ATP6V1E2: variants seen among roughly 807,000 people sequenced by gnomAD.
ATP6V1E2 encodes ATPase H+ transporting V1 subunit E2.
For synonymous variants in ATP6V1E2, 121 were observed against 104.2 expected (o/e 1.16, Z -0.98); for missense variants, 308 against 273.3 (o/e 1.13, Z -0.90).
chr2:46,514,942 A>T (rs903762697), intron 4 of ATP6V1E2, among the ~76,000 whole-genome samples: 1 of 152,202 alleles, frequency 6.6e-6, no homozygotes, highest in Admixed American at 6.5e-5. Context: ...TGGATTTCTC[A>T]GTAGATATCT....
intron 4 of ATP6V1E2, among the ~76,000 whole-genome samples, chr2:46,514,558 A>G (rs1687626856): frequency 1.3e-5 from 2 of 152,200 alleles, no homozygotes; most frequent in South Asian, 4.1e-4. Context: ...TTCAACAGGA[A>G]AAGATCAGTG....
chr2:46,525,077 G>A (rs1209815779), intron 4 of ATP6V1E2, among the ~76,000 whole-genome samples: 1 of 152,204 alleles, frequency 6.6e-6, no homozygotes, highest in Non-Finnish European at 1.5e-5. Flanking sequence ...ATCGCGATTG[G>A]AAGGAAGAGA....
intron 4 of ATP6V1E2, among the ~76,000 whole-genome samples, chr2:46,531,981 A>G: frequency 6.6e-6 from 1 of 152,222 alleles, no homozygotes; most frequent in Admixed American, 6.5e-5. Flanking sequence ...CTCATTCTGT[A>G]TGCTGTCTTT....
intron 4 of ATP6V1E2, 138 bp from the exon 5 acceptor site, chr2:46,512,950 C>A (rs1687543116): frequency 1.1e-5 from 5 of 461,784 alleles, no homozygotes; most frequent in Non-Finnish European, 1.9e-5. Flanking sequence ...TAAGGTTATA[C>A]TCTAGAAGAA....
In ATP6V1E2 at chr2:46,511,847, T is replaced by C; in HGVS notation, c.*184A>G. 7.1e-6 allele frequency: 4 copies of C among 560,294 alleles called. No individual in the cohort carries two copies. In the South Asian group the frequency reaches 1.2e-4, roughly 16 times the overall value. The allele number at this position is 560,294 out of a possible 1,614,324, so 34.7% of individuals were successfully genotyped here. On this transcript the variant is annotated 3_prime_UTR_variant, in exon 5 of 5. Transcript: ENST00000522587. Reference sequence around the variant, plus strand: ...ATGTATGGATGAATTGGAATTTGAATTCTGAGCATTAATTTGGGCTTTATT... The same window carrying C: ...ATGTATGGATGAATTGGAATTTGAACTCTGAGCATTAATTTGGGCTTTATT...
At chr2:46,528,634 T>C (rs1667041293) in intron 4 of ATP6V1E2, among the ~76,000 whole-genome samples, 1 of 152,182 alleles carries the variant, frequency 6.6e-6, no homozygotes, top group African/African-American at 2.4e-5. Flanking sequence ...GGGCAGCCGC[T>C]TGGTGTCACA....
chr2:46,514,831 A>C (rs545246977), intron 4 of ATP6V1E2, among the ~76,000 whole-genome samples: 1 of 152,338 alleles, frequency 6.6e-6, no homozygotes, highest in South Asian at 2.1e-4. Flanking sequence ...ATAAACCCAA[A>C]AAAGTCCTTA....
intron 4 of ATP6V1E2, among the ~76,000 whole-genome samples, chr2:46,524,292 C>T (rs891176819): frequency 6.6e-6 from 1 of 152,026 alleles, no homozygotes; most frequent in Non-Finnish European, 1.5e-5. Context: ...AACAACAGAA[C>T]ACCAATAGGG....
At chr2:46,518,158 T>C (rs1666381119) in intron 4 of ATP6V1E2, among the ~76,000 whole-genome samples, 1 of 152,160 alleles carries the variant, frequency 6.6e-6, no homozygotes, top group South Asian at 2.1e-4. Context: ...TGGAATATTA[T>C]AAAGCCTTAA....
intron 2 of ATP6V1E2, among the ~76,000 whole-genome samples, chr2:46,540,989 G>C (rs776643839): frequency 6.6e-6 from 1 of 152,206 alleles, no homozygotes; most frequent in Non-Finnish European, 1.5e-5. Context: ...CCAGAGAAGG[G>C]AAGTGACATG....
intron 4 of ATP6V1E2, among the ~76,000 whole-genome samples, chr2:46,513,616 G>C (rs1220691692): frequency 1.3e-5 from 2 of 151,850 alleles, no homozygotes; most frequent in Non-Finnish European, 2.9e-5. Flanking sequence ...ACGAGGTCAG[G>C]AGATCAAGAC....
intron 4 of ATP6V1E2, among the ~76,000 whole-genome samples, chr2:46,529,090 G>A (rs1553414779): frequency 6.6e-6 from 1 of 152,222 alleles, no homozygotes; most frequent in Non-Finnish European, 1.5e-5. Flanking sequence ...GAGGCAGCTG[G>A]CTGCCCAAGC....
Position 46,512,597 on chromosome 2 carries a change from T to TAAACTC in ATP6V1E2, c.109_114dup (p.Glu37_Phe38dup). The stretch of plus-strand genomic sequence containing the variant: ...TGCACGAGGCGTCCTTTCTCAATGT[T>TAAACTC]AAACTCTTCCTCAGCCTTGGCATCG... On this transcript the variant is annotated inframe_insertion, in exon 5 of 5. Coordinates refer to ENST00000522587, the MANE Select transcript of ATP6V1E2 (RefSeq NM_001318063.2). 6.2e-7 allele frequency: 1 copy of TAAACTC among 1,614,214 alleles called. No individual in the cohort carries two copies. Among genetic ancestry groups the TAAACTC allele is most frequent in the Non-Finnish European group, 8.5e-7 (1 of 1,180,044 alleles).
chr2:46,524,228 T>A (rs927672589), intron 4 of ATP6V1E2, among the ~76,000 whole-genome samples: 1 of 152,182 alleles, frequency 6.6e-6, no homozygotes, highest in African/African-American at 2.4e-5. Flanking sequence ...TAATGTATTG[T>A]TGACCTGAAG....
Position 46,535,713 on chromosome 2 carries a change from C to A in ATP6V1E2, c.-102+100G>T, listed in dbSNP as rs1037271375. ...CAGAGACAATGTGCCCTGTATTTAA[C>A]TCTGGCTACACTAGCTTTTAAGTCT... On this transcript the variant is annotated intron_variant, in intron 4 of 4. Coordinates refer to ENST00000522587, the MANE Select transcript of ATP6V1E2 (RefSeq NM_001318063.2). The surrounding 1 kb of genome is among the most constrained non-coding windows in gnomAD (Gnocchi z 4.4). 1.3e-5 allele frequency: 2 copies of A among 152,228 alleles called. No homozygotes were observed. The highest frequency in any genetic ancestry group is 4.8e-5 in the African/African-American group (2 of 41,458). 9.4% of individuals were successfully genotyped at this position (152,228 alleles called of 1,614,324 possible).
intron 4 of ATP6V1E2, among the ~76,000 whole-genome samples, chr2:46,517,229 G>A (rs1341992791): frequency 1.3e-5 from 2 of 152,098 alleles, no homozygotes; most frequent in African/African-American, 4.8e-5. Context: ...ACTACATAAT[G>A]GGGGAAAGAT....
At chr2:46,537,246 C>T (rs1472581383) in intron 2 of ATP6V1E2, 1 of 152,168 alleles carries the variant, frequency 6.6e-6, no homozygotes. Context: ...GGTGTGAAAC[C>T]CCAGCCCCTG....
chr2:46,524,317 A>C (rs1015720443), intron 4 of ATP6V1E2, among the ~76,000 whole-genome samples: 1 of 152,180 alleles, frequency 6.6e-6, no homozygotes, highest in African/African-American at 2.4e-5. Context: ...AGGGAAATGA[A>C]GATACATGAA....
intron 4 of ATP6V1E2, among the ~76,000 whole-genome samples, chr2:46,514,528 G>C (rs912186024): frequency 2.0e-5 from 3 of 151,906 alleles, no homozygotes; most frequent in African/African-American, 7.3e-5. Context: ...TAACTGAACT[G>C]AAAAAATTCA....
Sources: gnomAD v4.1 joint callset for allele counts (sites outside exome capture counted in the v4.1 genomes callset) on GRCh38, gnomAD v4.1.1 for gene constraint, Gnocchi (gnomAD v3.1) non-coding constraint, MANE v1.5 for transcripts, NCBI Gene and HGNC (gene_info 2026-07-23, HGNC 2026-07-21) for gene names.